The following PLCH1 variants were observed in gnomAD, a reference collection of about 807,000 sequenced individuals.
The protein encoded by PLCH1 is phospholipase C eta 1, also known as 1-phosphatidylinositol 4,5-bisphosphate phosphodiesterase eta-1.
PLCH1 carries 60 observed loss-of-function variants against 126.7 expected under a neutral mutation model. The observed-to-expected ratio is 0.47, with a 90% confidence interval of 0.38 to 0.59. The LOEUF is 0.59. PLCH1 is among the 20% of genes least tolerant of loss of function. The pLI is 0.00. For synonymous variants in PLCH1, 719 were observed against 734.9 expected (o/e 0.98, Z 0.35); for missense variants, 1,723 against 2,040.0 (o/e 0.84, Z 2.99).
At chr3:155,695,135 T>C (rs1160968806) in intron 2 of PLCH1, among the ~76,000 whole-genome samples, 2 of 152,096 alleles carry the variant, frequency 1.3e-5, no homozygotes, top group Non-Finnish European at 2.9e-5. Context: ...AGAGAAACCT[T>C]CAGTTTTAAA....
intron 1 of PLCH1, among the ~76,000 whole-genome samples, chr3:155,710,441 A>G (rs1042305169): frequency 1.3e-5 from 2 of 152,238 alleles, no homozygotes; most frequent in Non-Finnish European, 2.9e-5. Flanking sequence ...CCAGCTTATC[A>G]ATGAAAAAAA....
rs777459311 is a variant in PLCH1 at position 155,482,115 on chromosome 3, C to G, written c.3911G>C (p.Arg1304Pro). The G allele has an allele frequency of 6.2e-7, 1 of 1,614,012 alleles. No homozygotes were observed. Among genetic ancestry groups the G allele is most frequent in the African/African-American group, 1.3e-5 (1 of 74,918 alleles). Residue 1304 changes from arginine to proline, a missense_variant, in exon 23 of 23, where the codon CGT becomes CCT. This residue lies in a region of PLCH1 where 947 missense variants were observed against 977.1 expected (regional missense o/e 0.97). Transcript: ENST00000460012. The stretch of plus-strand genomic sequence containing the variant: ...GGTAGGACTTTTTGGTAACCAGCCA[C>G]GAGAAGTATTAGGGGATCCAGGCAG... ...SNLPGSPNTS[R>P]GWLPKSPTKG...
rs1729911902 is a variant in PLCH1 at position 155,576,119 on chromosome 3, G to T, written c.771+7353C>A. Among the ~76,000 whole-genome samples the T allele has an allele frequency of 3.9e-5, 6 of 152,188 alleles. No individual in the cohort carries two copies. The South Asian group carries it at 1.2e-3, about 32-fold the overall frequency. On this transcript the variant is annotated intron_variant, in intron 6 of 22. Coordinates refer to ENST00000460012, the MANE Select transcript of PLCH1 (RefSeq NM_014996.4). ...CACTCCAGAACCAAAACACTAAAAA[G>T]GATGGAACAAAAAAAACACTCAGCT...
intron 21 of PLCH1, among the ~76,000 whole-genome samples, chr3:155,459,825 G>C (rs1712643119): frequency 6.6e-6 from 1 of 152,190 alleles, no homozygotes; most frequent in South Asian, 2.1e-4. Flanking sequence ...GTCCCAAAGT[G>C]ATGTTTTATT....
intron 21 of PLCH1, among the ~76,000 whole-genome samples, chr3:155,459,440 T>C (rs949545554): frequency 3.3e-5 from 5 of 152,222 alleles, no homozygotes; most frequent in Non-Finnish European, 7.3e-5. Context: ...ATTTCATGTC[T>C]AACAAGGACA....
chr3:155,546,151 C>G (rs1279308095), intron 10 of PLCH1, among the ~76,000 whole-genome samples: 1 of 152,114 alleles, frequency 6.6e-6, no homozygotes, highest in Non-Finnish European at 1.5e-5. Context: ...ATTGTCTCAG[C>G]CCAAAATCTC....
At chr3:155,700,359 TAA>T (rs1170764282) in intron 2 of PLCH1, among the ~76,000 whole-genome samples, 1 of 152,184 alleles carries the variant, frequency 6.6e-6, no homozygotes, top group African/African-American at 2.4e-5. Context: ...AACATATATA[TAA>T]GGCAACTTCT....
chr3:155,670,942 G>A (rs1177744574), intron 2 of PLCH1, among the ~76,000 whole-genome samples: 1 of 152,144 alleles, frequency 6.6e-6, no homozygotes, highest in Non-Finnish European at 1.5e-5. Flanking sequence ...AGGAATATCA[G>A]GCCAACCTGT....
chr3:155,702,048 G>A (rs1403402879), intron 2 of PLCH1, among the ~76,000 whole-genome samples: 2 of 152,138 alleles, frequency 1.3e-5, no homozygotes, highest in East Asian at 3.9e-4. Context: ...ATTCTTGAAT[G>A]TAAGAAGTAA....
At chr3:155,505,716 T>C (rs1718555810) in intron 12 of PLCH1, among the ~76,000 whole-genome samples, 1 of 152,200 alleles carries the variant, frequency 6.6e-6, no homozygotes, top group South Asian at 2.1e-4. Context: ...AACTGATTCA[T>C]ACATGTTTAT....
chr3:155,572,284 C>G (rs1003121983), intron 6 of PLCH1, among the ~76,000 whole-genome samples: 2 of 152,162 alleles, frequency 1.3e-5, no homozygotes, highest in African/African-American at 4.8e-5. Flanking sequence ...TTATTCCACA[C>G]ACACATTTGT....
chr3:155,701,509 C>T (rs1007098997), intron 2 of PLCH1, among the ~76,000 whole-genome samples: 23 of 152,078 alleles, frequency 1.5e-4, no homozygotes, highest in African/African-American at 4.6e-4. Flanking sequence ...TTATTCTGCA[C>T]GGGAAATGGT....
At chr3:155,469,218 C>T (rs995626033) in intron 21 of PLCH1, among the ~76,000 whole-genome samples, 9 of 152,218 alleles carry the variant, frequency 5.9e-5, no homozygotes, top group East Asian at 1.9e-4. Flanking sequence ...AGTGGGTGTG[C>T]GCACCGTGTG....
At chr3:155,605,346 C>G (rs1160140248) in intron 2 of PLCH1, among the ~76,000 whole-genome samples, 2 of 152,136 alleles carry the variant, frequency 1.3e-5, no homozygotes, top group Admixed American at 6.5e-5. Context: ...AATGCCTACT[C>G]TACCCCCTCT....
intron 2 of PLCH1, among the ~76,000 whole-genome samples, chr3:155,612,356 C>G (rs995878472): frequency 4.1e-5 from 6 of 145,856 alleles, no homozygotes; most frequent in Non-Finnish European, 7.5e-5. Context: ...GAAGAGGAAA[C>G]TTCATAGCAT....
intron 21 of PLCH1, among the ~76,000 whole-genome samples, chr3:155,486,364 T>C (rs1715093844): frequency 6.6e-6 from 1 of 152,198 alleles, no homozygotes; most frequent in African/African-American, 2.4e-5. Flanking sequence ...GTTCAACCAA[T>C]ATCCACTACA....
chr3:155,549,882 T>G lies in PLCH1; in HGVS notation c.1267A>C (p.Ile423Leu), dbSNP rs757071668. ...GACAGGTCCAGTTTGTCTCCGAATA[T>G]TCCTTTCAGGTACTGAGCAATCTTC... ...QRKIAQYLKG[I>L]FGDKLDLSSV... Residue 423 changes from isoleucine to leucine, a missense_variant, in exon 10 of 23, where the codon ATA becomes CTA. Coordinates refer to ENST00000460012, the MANE Select transcript of PLCH1 (RefSeq NM_014996.4). 6.2e-7 allele frequency: 1 copy of G among 1,613,620 alleles called. No homozygotes were observed. Among genetic ancestry groups the G allele is most frequent in the East Asian group, 2.2e-5 (1 of 44,866 alleles).
chr3:155,520,014 G>C (rs1307010356), intron 11 of PLCH1, among the ~76,000 whole-genome samples: 2 of 152,068 alleles, frequency 1.3e-5, no homozygotes, highest in African/African-American at 4.8e-5. Context: ...TCTCCTGCCT[G>C]CTCCTTTAGC....
At chr3:155,579,129 T>A (rs767297618) in intron 6 of PLCH1, among the ~76,000 whole-genome samples, 5 of 152,178 alleles carry the variant, frequency 3.3e-5, no homozygotes, top group Admixed American at 6.5e-5. Context: ...CCTTATAAAG[T>A]CTCCTCTGTG....
Sources: gnomAD v4.1 joint callset for allele counts (sites outside exome capture counted in the v4.1 genomes callset) on GRCh38, gnomAD v4.1.1 for gene constraint, gnomAD v4.1.1 regional missense constraint, MANE v1.5 for transcripts, NCBI Gene and HGNC (gene_info 2026-07-23, HGNC 2026-07-21) for gene names.